Variants in COL4A3 observed in about 807,000 individuals in gnomAD.
The protein encoded by COL4A3 is collagen type IV alpha 3 chain, also known as collagen alpha-3(IV) chain.
A neutral mutation model predicts 217.4 loss-of-function variants in COL4A3; 135 were observed. That is an observed-to-expected ratio of 0.62 (90% CI 0.54 to 0.72). COL4A3 has a LOEUF of 0.72. Among genes scored for constraint, COL4A3 ranks in the 30% least tolerant of loss-of-function variants. The pLI, the probability that COL4A3 is intolerant of heterozygous loss-of-function variation, is 0.00. For synonymous variants in COL4A3, 690 were observed against 736.3 expected (o/e 0.94, Z 1.02); for missense variants, 1,868 against 2,119.9 (o/e 0.88, Z 2.33).
chr2:227,237,904 C>T (rs1166196090), intron 1 of COL4A3, 64 bp from the exon 2 acceptor site: 8 of 1,232,460 alleles, frequency 6.5e-6, no homozygotes, highest in Non-Finnish European at 9.6e-6. Context: ...TTTGCTTTTA[C>T]CCTGCCGGTT....
At chr2:227,270,276 T>C (rs569231281) in intron 24 of COL4A3, among the ~76,000 whole-genome samples, 7 of 152,290 alleles carry the variant, frequency 4.6e-5, no homozygotes, top group South Asian at 4.1e-4. Flanking sequence ...ATGGAGATGT[T>C]TGAACGTGAT....
rs574482414 is a variant in COL4A3, at chr2:227,165,461, G to C, written c.87+648G>C. ...ATTTGATTTTTGACTTGGAATTTGA[G>C]TGAAACTGGATTTATTTAAATCCAT... On this transcript the variant is annotated intron_variant, in intron 1 of 51. Transcript: ENST00000396578. Among the ~76,000 whole-genome samples the C allele has an allele frequency of 2.0e-5, 3 of 152,290 alleles. No individual in the cohort carries two copies. In the East Asian group the frequency reaches 5.8e-4, roughly 29 times the overall value.
At chr2:227,287,898 G>A (rs1434982378) in intron 34 of COL4A3, among the ~76,000 whole-genome samples, 2 of 152,156 alleles carry the variant, frequency 1.3e-5, no homozygotes, top group Admixed American at 1.3e-4. Context: ...TATCTCTCTG[G>A]TGCTCAGCAC....
At chr2:227,305,662 C>CA (rs60985480) in intron 47 of COL4A3, 4,925 of 138,924 alleles carry the variant, frequency 0.035, 274 homozygotes, top group African/African-American at 0.13. Context: ...GACTCTGTCT[C>CA]AAAAAAAAAA....
intron 1 of COL4A3, among the ~76,000 whole-genome samples, chr2:227,209,580 C>T (rs778981671): frequency 6.6e-6 from 1 of 152,138 alleles, no homozygotes; most frequent in Non-Finnish European, 1.5e-5. Flanking sequence ...TGACTCACAC[C>T]TGTAATCCCA....
Position 227,220,372 on chromosome 2 carries a change from C to T in COL4A3, c.88-17596C>T, listed in dbSNP as rs1486345461. Among the ~76,000 whole-genome samples the T allele has an allele frequency of 5.9e-5, 9 of 151,624 alleles. No individual in the cohort carries two copies. The South Asian group carries it at 6.3e-4, about 11-fold the overall frequency. On this transcript the variant is annotated intron_variant, in intron 1 of 51. Transcript: ENST00000396578. ...TAATTTTTGTAATTTTATTAGAGAC[C>T]GGGTTTCTCCATGTTGGCCAGGGTG...
chr2:227,216,813 T>C (rs192453890), intron 1 of COL4A3, among the ~76,000 whole-genome samples: 1 of 152,302 alleles, frequency 6.6e-6, no homozygotes, highest in Non-Finnish European at 1.5e-5. Flanking sequence ...ATTATGTCAC[T>C]TTCAGTCTGT....
At chr2:227,234,722 C>T (rs1291252076) in intron 1 of COL4A3, among the ~76,000 whole-genome samples, 2 of 152,180 alleles carry the variant, frequency 1.3e-5, no homozygotes, top group Non-Finnish European at 2.9e-5. Context: ...CAAAGGGGAC[C>T]AGTCTAGTCT....
At chr2:227,243,743 C>T (rs1305941507) in intron 3 of COL4A3, among the ~76,000 whole-genome samples, 1 of 152,200 alleles carries the variant, frequency 6.6e-6, no homozygotes, top group Admixed American at 6.5e-5. Context: ...AATAGGACGT[C>T]GAAACTGAAT....
intron 1 of COL4A3, among the ~76,000 whole-genome samples, chr2:227,188,607 T>G (rs891720314): frequency 6.6e-6 from 1 of 152,214 alleles, no homozygotes; most frequent in African/African-American, 2.4e-5. Context: ...TTTAACTTGT[T>G]TAAAACTGGA....
intron 1 of COL4A3, among the ~76,000 whole-genome samples, chr2:227,229,163 G>A (rs944303538): frequency 5.9e-5 from 9 of 152,126 alleles, no homozygotes; most frequent in Admixed American, 2.6e-4. Flanking sequence ...GGTGGCACAC[G>A]GGCACTGCGA....
intron 23 of COL4A3, among the ~76,000 whole-genome samples, 184 bp downstream of exon 23, chr2:227,267,272 C>T (rs1173639854): frequency 6.6e-6 from 1 of 152,142 alleles, no homozygotes; most frequent in Non-Finnish European, 1.5e-5. Context: ...TGGTATTTTT[C>T]CCTATTCCAT....
intron 19 of COL4A3, chr2:227,260,079 A>C: frequency 1.4e-6 from 1 of 736,568 alleles, no homozygotes; most frequent in Non-Finnish European, 2.5e-6. Context: ...AAGGTAATTA[A>C]ATTATCTTTA....
At chr2:227,274,691 G>A (rs1038889173) in intron 26 of COL4A3, among the ~76,000 whole-genome samples, 2 of 152,002 alleles carry the variant, frequency 1.3e-5, no homozygotes, top group African/African-American at 4.8e-5. Flanking sequence ...TAGAGATGGG[G>A]TTTCACCATG....
intron 11 of COL4A3, 106 bp downstream of exon 11, chr2:227,251,477 A>G (rs2125925422): frequency 9.8e-7 from 1 of 1,016,690 alleles, no homozygotes; most frequent in Non-Finnish European, 1.5e-6. Flanking sequence ...CCTCTCTGGA[A>G]CTCACAAGGA....
chr2:227,298,566 G>C (rs893265130), intron 42 of COL4A3, 116 bp from the exon 43 acceptor site: 5 of 1,434,216 alleles, frequency 3.5e-6, no homozygotes, highest in Middle Eastern at 2.4e-4. Flanking sequence ...CCAGGGGAAA[G>C]AATGTTTGTG....
intron 48 of COL4A3, 95 bp from the exon 49 acceptor site, chr2:227,308,804 G>C (rs2073619548): frequency 1.6e-6 from 2 of 1,283,870 alleles, no homozygotes; most frequent in Middle Eastern, 2.5e-4. Flanking sequence ...TCCAGCTTTT[G>C]CTGCAGGTTA....
At chr2:227,274,271 A>AAATAAATAAATAAATTAATT (rs1397286605) in intron 26 of COL4A3, among the ~76,000 whole-genome samples, 1 of 148,752 alleles carries the variant, frequency 6.7e-6, no homozygotes, top group East Asian at 1.9e-4. Flanking sequence ...ATAAATAAAT[A>AAATAAATAAATAAATTAATT]AATTTTAAAA....
chr2:227,293,402 T>C (rs1033903690), intron 38 of COL4A3, 85 bp downstream of exon 38: 25 of 1,470,356 alleles, frequency 1.7e-5, no homozygotes, highest in Non-Finnish European at 2.2e-5. Flanking sequence ...AACAGAAAGC[T>C]ATTTATACTT....
Sources: allele counts gnomAD v4.1 joint callset (sites outside exome capture counted in the v4.1 genomes callset), GRCh38; gene constraint gnomAD v4.1.1; transcripts MANE v1.5; gene names NCBI Gene and HGNC (gene_info 2026-07-23, HGNC 2026-07-21).